OPN5: variants seen among roughly 807,000 people sequenced by gnomAD.
The protein encoded by OPN5 is opsin-5.
A neutral mutation model predicts 41.7 loss-of-function variants in OPN5; 18 were observed. That is an observed-to-expected ratio of 0.43 (90% CI 0.30 to 0.64). The LOEUF (loss-of-function observed/expected upper bound fraction) is 0.64, where lower values mean the gene tolerates loss of function less well. Among genes scored for constraint, OPN5 ranks in the 30% least tolerant of loss-of-function variants. OPN5 has a pLI of 0.13. For synonymous variants in OPN5, 178 were observed against 164.3 expected, an observed-to-expected ratio of 1.08 and a Z score of -0.64; for missense variants, 318 against 434.5, an observed-to-expected ratio of 0.73 and a Z score of 2.38.
chr6:47,795,247 A>G (rs774464271), exon 4 of OPN5: 5 of 1,599,130 alleles, frequency 3.1e-6, no homozygotes, highest in Non-Finnish European at 4.3e-6. Context: ...CTGAAAAGAA[A>G]GCACGCCTAC....
At chr6:47,784,968 A>G (rs1280237961) in intron 1 of OPN5, among the ~76,000 whole-genome samples, 2 of 152,218 alleles carry the variant, frequency 1.3e-5, no homozygotes, top group African/African-American at 4.8e-5. Context: ...ATTGCTTGTT[A>G]GAATAATTTA....
intron 4 of OPN5, 97 bp from the exon 5 acceptor site, chr6:47,808,057 G>C: frequency 8.9e-7 from 1 of 1,128,702 alleles, no homozygotes; most frequent in Non-Finnish European, 1.3e-6. Flanking sequence ...TTTCTTGGCT[G>C]TGAGAGGTGA....
intron 2 of OPN5, among the ~76,000 whole-genome samples, chr6:47,788,808 G>GGA (rs372713765): frequency 7.4e-5 from 11 of 148,176 alleles, no homozygotes; most frequent in African/African-American, 2.2e-4. Flanking sequence ...GATAACCTGG[G>GGA]GGGGGGCGGT....
chr6:47,786,788 T>A (rs1773206765), intron 2 of OPN5, among the ~76,000 whole-genome samples, 154 bp downstream of exon 2: 2 of 152,196 alleles, frequency 1.3e-5, no homozygotes. Context: ...TTGTGGTAAG[T>A]CAATGGGGTG....
chr6:47,813,681 C>T (rs1254590644), intron 6 of OPN5, among the ~76,000 whole-genome samples: 4 of 152,048 alleles, frequency 2.6e-5, no homozygotes, highest in Non-Finnish European at 5.9e-5. Context: ...TAGAGGTTGG[C>T]AGACCAGTTA....
At chr6:47,822,929 C>T (rs553402167) in intron 6 of OPN5, among the ~76,000 whole-genome samples, 1 of 152,342 alleles carries the variant, frequency 6.6e-6, no homozygotes, top group Non-Finnish European at 1.5e-5. Context: ...TGGGATAAGA[C>T]TTTCCTCTCC....
At chr6:47,825,363 T>G (rs1348481987), downstream of OPN5, 1 of 152,190 alleles carries the variant, frequency 6.6e-6, no homozygotes, top group Non-Finnish European at 1.5e-5. Context: ...AATTTTTGTC[T>G]AAAAAGCCAA....
At chr6:47,813,990 C>A (rs111299508) in intron 6 of OPN5, among the ~76,000 whole-genome samples, 1,890 of 151,684 alleles carry the variant, frequency 0.012, 43 homozygotes, top group African/African-American at 0.043. Context: ...TATTCAAAAC[C>A]GGTAGTTAAA....
intron 4 of OPN5, among the ~76,000 whole-genome samples, chr6:47,804,904 AGTAGAAAACAC>A (rs1461879835): frequency 6.6e-6 from 1 of 152,214 alleles, no homozygotes; most frequent in African/African-American, 2.4e-5. Context: ...CTCCTCTAAA[AGTAGAAAACAC>A]GTAAAATGTA....
chr6:47,792,021 G>A, intron 3 of OPN5, 49 bp downstream of exon 3: 1 of 1,374,346 alleles, frequency 7.3e-7, no homozygotes, highest in Non-Finnish European at 1.0e-6. Context: ...TAGGTGGATT[G>A]AGTGTTAGAA....
intron 6 of OPN5, among the ~76,000 whole-genome samples, chr6:47,823,043 G>A (rs899529847): frequency 2.0e-5 from 3 of 152,180 alleles, no homozygotes; most frequent in African/African-American, 7.2e-5. Context: ...AAAGCCCCAA[G>A]CCACATACTT....
In OPN5 at chr6:47,819,354, A is replaced by AAAT. The variant is rs1762530673; in HGVS notation, c.1057-4627_1057-4626insTAA. Among the ~76,000 whole-genome samples, 45 of 59,056 alleles carry AAAT rather than the reference A, an allele frequency of 7.6e-4. 9 individuals are homozygous for AAAT. The highest frequency in any genetic ancestry group is 0.011 in the Middle Eastern group (1 of 94). 38.7% of individuals were successfully genotyped at this position (59,056 alleles called of 152,430 possible). A position where few individuals can be genotyped will look rare whatever the true frequency, so the allele number is the denominator to read the frequency against. ...AATTAGGAATATATATATATATATAAAAAATATATTACCGTATAAGTAGAA... is the reference window on the plus strand; with the variant it reads ...AATTAGGAATATATATATATATATAAAATAAAATATATTACCGTATAAGTAGAA... On this transcript the variant is annotated intron_variant, in intron 6 of 6. Transcript: ENST00000371211.
chr6:47,811,770 T>A (rs1774214246), intron 6 of OPN5, 39 bp downstream of exon 6: 2 of 1,360,712 alleles, frequency 1.5e-6, no homozygotes, highest in Non-Finnish European at 2.1e-6. Flanking sequence ...GACACTCGTA[T>A]TCACTTATTT....
intron 5 of OPN5, among the ~76,000 whole-genome samples, chr6:47,808,619 C>T (rs115247988): frequency 0.015 from 2,264 of 152,152 alleles, 57 homozygotes; most frequent in African/African-American, 0.049. Context: ...CTTTTTTGAT[C>T]GTGGAGCAAC....
chr6:47,788,260 T>C (rs915760791), intron 2 of OPN5, among the ~76,000 whole-genome samples: 14 of 152,238 alleles, frequency 9.2e-5, no homozygotes, highest in African/African-American at 3.4e-4. Context: ...GTAGCTTTCC[T>C]GGCCAGCTCG....
intron 6 of OPN5, among the ~76,000 whole-genome samples, chr6:47,823,062 G>A (rs1762682371): frequency 1.3e-5 from 2 of 152,162 alleles, no homozygotes; most frequent in South Asian, 4.1e-4. Flanking sequence ...TTGTTGAAAA[G>A]AACATAGCTA....
intron 2 of OPN5, chr6:47,787,288 T>A (rs1031263106): frequency 1.6e-5 from 7 of 446,696 alleles, no homozygotes; most frequent in African/African-American, 1.5e-4. Flanking sequence ...TACAGGTATG[T>A]TAATGTGTGG....
At chr6:47,803,951 C>A (rs1436253404) in intron 4 of OPN5, among the ~76,000 whole-genome samples, 1 of 152,206 alleles carries the variant, frequency 6.6e-6, no homozygotes, top group Non-Finnish European at 1.5e-5. Context: ...TTCTTAGAAA[C>A]ATTACCTGCT....
At chr6:47,795,762 T>TCTCTCC (rs1491176601) in intron 4 of OPN5, among the ~76,000 whole-genome samples, 199 bp downstream of exon 4, 1 of 67,724 alleles carries the variant, frequency 1.5e-5, no homozygotes, top group Non-Finnish European at 3.0e-5. Flanking sequence ...ACTTCTCTCT[T>TCTCTCC]CTCTCTCTCT....
Sources: gnomAD v4.1 joint callset for allele counts (sites outside exome capture counted in the v4.1 genomes callset) on GRCh38, gnomAD v4.1.1 for gene constraint, MANE v1.5 for transcripts, NCBI Gene and HGNC (gene_info 2026-07-23, HGNC 2026-07-21) for gene names.